The following MYOF variants were observed in gnomAD, a reference collection of about 807,000 sequenced individuals.
The protein encoded by MYOF is fer-1-like 3, myoferlin.
In MYOF, 244 loss-of-function variants were observed where a neutral mutation model predicts 284.2. The ratio of observed to expected loss-of-function variants is 0.86; its 90% CI spans 0.77 to 0.95. The LOEUF (loss-of-function observed/expected upper bound fraction) is 0.95. Among genes scored for constraint, MYOF ranks in the 40% least tolerant of loss-of-function variants. The probability of loss-of-function intolerance (pLI) is 0.00; values close to 1 mark genes in which losing one functional copy is unlikely to be tolerated. For synonymous variants in MYOF, 904 were observed against 919.7 expected, an observed-to-expected ratio of 0.98 and a Z score of 0.31; for missense variants, 2,496 against 2,560.6, an observed-to-expected ratio of 0.97 and a Z score of 0.54.
In MYOF at chr10:93,353,817, AG is replaced by A. The variant is rs1844648925; in HGVS notation, c.3474del (p.Ser1160GlnfsTer23). The A allele has an allele frequency of 6.2e-7, 1 of 1,608,494 alleles. No individual in the cohort carries two copies. Among genetic ancestry groups the A allele is most frequent in the East Asian group, 2.2e-5 (1 of 44,752 alleles). On this transcript the variant is annotated frameshift_variant, in exon 32 of 54. Transcript: ENST00000359263. LOFTEE classifies it high-confidence loss of function. ...ARNLLALDKD[S>X]FSDPYAHICF... ...TAGATTTTTTTTCCTTTACCTGAAA[AG>A]CTATCCTTATCTAAAGCCAAGAGGT...
At chr10:93,395,724 T>C (rs1340531746) in intron 16 of MYOF, among the ~76,000 whole-genome samples, 3 of 151,770 alleles carry the variant, frequency 2.0e-5, no homozygotes, top group African/African-American at 4.8e-5. Flanking sequence ...TGCCAAGGGA[T>C]TCGGTTGAGA....
In MYOF at chr10:93,370,394, C is replaced by T. The variant is rs192655260; in HGVS notation, c.2458-618G>A. ...TGGCTCAATCTCGGCTCACTGCACC[C>T]TTGACCTCCAGGGCTCAAGCGATCC... is the stretch of plus-strand genomic sequence containing the variant. On this transcript the variant is annotated intron_variant, in intron 24 of 53. Transcript: ENST00000359263. Among the ~76,000 whole-genome samples the T allele has an allele frequency of 1.1e-3, 159 of 148,852 alleles. No homozygotes were observed. The East Asian group carries it at 0.023, about 21-fold the overall frequency.
At chr10:93,329,344 C>A (rs1005342629) in intron 44 of MYOF, among the ~76,000 whole-genome samples, 4 of 152,172 alleles carry the variant, frequency 2.6e-5, no homozygotes, top group African/African-American at 9.7e-5. Context: ...TGCTATCAAA[C>A]GTTGCCAGTC....
At chr10:93,323,593 G>A in intron 46 of MYOF, 1 of 530,320 alleles carries the variant, frequency 1.9e-6, no homozygotes, top group East Asian at 3.0e-5. Context: ...GGCTGCACAT[G>A]CCCACCTGTA....
intron 19 of MYOF, among the ~76,000 whole-genome samples, chr10:93,385,860 T>C (rs1222335437): frequency 6.6e-6 from 1 of 151,558 alleles, no homozygotes; most frequent in African/African-American, 2.4e-5. Context: ...TTTTTTTTGC[T>C]TTTACACTAA....
chr10:93,405,823 A>G (rs757362336), intron 7 of MYOF, among the ~76,000 whole-genome samples: 260 of 122,590 alleles, frequency 2.1e-3, no homozygotes, highest in Non-Finnish European at 3.7e-3. Context: ...TTTTTGACGG[A>G]GTCTCTCTCT....
intron 36 of MYOF, 103 bp from the exon 37 acceptor site, chr10:93,347,885 C>T: frequency 8.5e-7 from 1 of 1,170,690 alleles, no homozygotes; most frequent in South Asian, 1.6e-5. Flanking sequence ...GCCACACAGC[C>T]CAGAGGACTC....
chr10:93,360,268 G>T (rs180889501), intron 28 of MYOF, among the ~76,000 whole-genome samples: 11 of 152,332 alleles, frequency 7.2e-5, no homozygotes, highest in Admixed American at 7.2e-4. Flanking sequence ...AGTTCAAGAG[G>T]CAGGAAGAAA....
intron 5 of MYOF, among the ~76,000 whole-genome samples, chr10:93,419,652 T>A (rs768244546): frequency 1.3e-5 from 2 of 152,206 alleles, no homozygotes; most frequent in Non-Finnish European, 2.9e-5. Context: ...AGCAATTGTT[T>A]CCTATATAAC....
intron 7 of MYOF, among the ~76,000 whole-genome samples, chr10:93,406,288 T>TTA (rs3980375): frequency 0.065 from 3,759 of 58,088 alleles, 426 homozygotes; most frequent in South Asian, 0.11. Flanking sequence ...TAAACCTCTT[T>TTA]TATATATATA....
intron 3 of MYOF, among the ~76,000 whole-genome samples, chr10:93,450,084 C>T (rs372157224): frequency 6.6e-6 from 1 of 151,912 alleles, no homozygotes; most frequent in South Asian, 2.1e-4. Flanking sequence ...ATGGTGAAAC[C>T]TCATCTCTAC....
chr10:93,460,767 C>CA (rs757591863), intron 1 of MYOF, among the ~76,000 whole-genome samples: 4,860 of 25,192 alleles, frequency 0.19, 165 homozygotes, highest in Non-Finnish European at 0.35. Flanking sequence ...ACCCCATCTC[C>CA]AAAAAAAAAA....
At chr10:93,332,757 G>A (rs11187385) in intron 43 of MYOF, among the ~76,000 whole-genome samples, 25,457 of 151,896 alleles carry the variant, frequency 0.17, 3,585 homozygotes, top group East Asian at 0.71. Flanking sequence ...TGAGGCAGGA[G>A]AATGGCGTGA....
At chr10:93,424,013 C>T (rs1848473141) in intron 5 of MYOF, among the ~76,000 whole-genome samples, 1 of 151,984 alleles carries the variant, frequency 6.6e-6, no homozygotes, top group Non-Finnish European at 1.5e-5. Context: ...CCACAGATGC[C>T]AAGGAAGGCG....
At chr10:93,397,186 G>T in intron 15 of MYOF, 61 bp downstream of exon 15, 1 of 1,372,530 alleles carries the variant, frequency 7.3e-7, no homozygotes. Flanking sequence ...CCAGAGTAAT[G>T]TTTCACAATA....
In MYOF at chr10:93,306,956, G is replaced by A. The variant is rs1842127069; in HGVS notation, c.*7C>T. 1.9e-6 allele frequency: 3 copies of A among 1,612,028 alleles called. No homozygotes were observed. Among genetic ancestry groups the A allele is most frequent in the East Asian group, 4.5e-5 (2 of 44,820 alleles). ...GGATGACTCTTGAAATGAAGCCTTT[G>A]CCTTTGTTACACATTTGGCTTTACA... On this transcript the variant is annotated 3_prime_UTR_variant, in exon 54 of 54. Transcript: ENST00000359263.
chr10:93,338,069 G>T (rs979427418), intron 39 of MYOF, among the ~76,000 whole-genome samples, 156 bp from the exon 40 acceptor site: 2 of 151,872 alleles, frequency 1.3e-5, no homozygotes, highest in African/African-American at 4.8e-5. Flanking sequence ...AATGGACAAA[G>T]CATTCACGAC....
At chr10:93,346,569 G>A (rs1844192560) in intron 37 of MYOF, among the ~76,000 whole-genome samples, 1 of 152,242 alleles carries the variant, frequency 6.6e-6, no homozygotes, top group Non-Finnish European at 1.5e-5. Context: ...TGTATCACTA[G>A]CTATTATTTA....
At chr10:93,406,327 T>C (rs1847585972) in intron 7 of MYOF, among the ~76,000 whole-genome samples, 1 of 132,800 alleles carries the variant, frequency 7.5e-6, no homozygotes, top group Middle Eastern at 3.8e-3. Context: ...TTTGTTTTTA[T>C]CATCTTACTT....
Sources: allele counts gnomAD v4.1 joint callset (sites outside exome capture counted in the v4.1 genomes callset), GRCh38; gene constraint gnomAD v4.1.1; transcripts MANE v1.5; gene names NCBI Gene and HGNC (gene_info 2026-07-23, HGNC 2026-07-21).